BOC: variants seen among roughly 807,000 people sequenced by gnomAD.
The protein encoded by BOC is BOC cell adhesion associated, oncogene regulated.
BOC carries 76 observed loss-of-function variants against 112.0 expected under a neutral mutation model. The ratio of observed to expected loss-of-function variants is 0.68; its 90% confidence interval spans 0.56 to 0.82. BOC has a LOEUF of 0.82. BOC is among the 40% of genes least tolerant of loss of function. The probability of loss-of-function intolerance (pLI) is 0.00; values close to 1 mark genes in which losing one functional copy is unlikely to be tolerated. For synonymous variants in BOC, 580 were observed against 599.8 expected (o/e 0.97, Z 0.48); for missense variants, 1,309 against 1,511.7 (o/e 0.87, Z 2.22).
At position 113,278,296 on chromosome 3, in the gene BOC, G is replaced by A. The variant is rs1317450784; in HGVS notation, c.1705+39G>A. The stretch of plus-strand genomic sequence containing the variant: ...ATTGCCCCTTGCTTAGGGTTTCCGT[G>A]GGTCTAAGCAAGTTCCACTGGCCCA... On this transcript the variant is annotated intron_variant, in intron 10 of 19. Transcript: ENST00000682979. This position sits in a 1 kb window ranked among gnomAD's most constrained non-coding sequence, Gnocchi z 4.2. 3.7e-6 allele frequency: 6 copies of A among 1,606,046 alleles called. No individual in the cohort carries two copies. The highest frequency in any genetic ancestry group is 1.3e-5 in the African/African-American group (1 of 74,806).
intron 4 of BOC, among the ~76,000 whole-genome samples, chr3:113,258,499 G>C (rs2107505746): frequency 6.6e-6 from 1 of 152,318 alleles, no homozygotes; most frequent in Admixed American, 6.5e-5. Flanking sequence ...CCCCCGTCTG[G>C]TTCAGTTAGC....
At chr3:113,270,972 A>AT in intron 6 of BOC, 28 bp downstream of exon 6, 3 of 1,613,596 alleles carry the variant, frequency 1.9e-6, no homozygotes, top group Non-Finnish European at 2.5e-6. Flanking sequence ...CTGCTGGGGG[A>AT]TGGGGGATCA....
At chr3:113,212,711 A>T (rs1251889598) in intron 1 of BOC, 3 of 152,324 alleles carry the variant, frequency 2.0e-5, no homozygotes, top group African/African-American at 4.8e-5. Context: ...TGTGTGTGAG[A>T]GAGAGAGTTC....
At position 113,222,065 on chromosome 3, in the gene BOC, C is replaced by T. The variant is rs577568940; in HGVS notation, c.-82+5791C>T. On this transcript the variant is annotated intron_variant, in intron 2 of 19. Transcript: ENST00000682979. ...GCTTTCATGGTCACCTAAACCTGAC[C>T]GCACTTTATTAAACAGCACTCCCAC... 5.9e-5 allele frequency among the ~76,000 whole-genome samples: 9 copies of T among 152,304 alleles called. No individual in the cohort carries two copies. The South Asian group carries it at 1.5e-3, about 25-fold the overall frequency.
At chr3:113,251,122 G>A (rs809592) in intron 4 of BOC, 2 of 586,490 alleles carry the variant, frequency 3.4e-6, no homozygotes, top group Non-Finnish European at 6.0e-6. Context: ...TGTTCCGTGG[G>A]CCCCAGAGCA....
rs1481572156 is a variant in BOC, at chr3:113,212,034, A to G, written c.-170+18A>G. On this transcript the variant is annotated intron_variant, in intron 1 of 19. Coordinates refer to ENST00000682979, the MANE Select transcript of BOC (RefSeq NM_001378074.1). The stretch of plus-strand genomic sequence containing the variant: ...CAGCAGAGGTGAGTCACGTCGCTGA[A>G]GTTTGTTTTCTTTTCATAAAAAGTT... The G allele has an allele frequency of 1.3e-5, 2 of 152,030 alleles. No individual in the cohort carries two copies. The highest frequency in any genetic ancestry group is 6.5e-5 in the Admixed American group (1 of 15,278). 9.4% of individuals were successfully genotyped at this position (152,030 alleles called of 1,614,324 possible). A position where few individuals can be genotyped will look rare whatever the true frequency, so the allele number is the denominator to read the frequency against.
intron 2 of BOC, among the ~76,000 whole-genome samples, chr3:113,222,359 G>A (rs373446007): frequency 6.6e-6 from 1 of 152,252 alleles, no homozygotes; most frequent in African/African-American, 2.4e-5. Flanking sequence ...CAAACAAAAT[G>A]AAATAATTAC....
In BOC at chr3:113,273,305, G is replaced by C. The variant is rs761303691; in HGVS notation, c.1198G>C (p.Ala400Pro). The change falls in exon 8 of 20, where the codon GCC becomes CCC. Residue 400 changes from alanine to proline, a missense_variant. Physicochemically the swap from Ala to Pro is conservative, Grantham distance 27. Coordinates refer to ENST00000682979, the MANE Select transcript of BOC (RefSeq NM_001378074.1). ...QCMAENEVGSAHAVVQLRTSR... is the reference protein window; with the variant it reads ...QCMAENEVGSPHAVVQLRTSR... ...CATGGCCGAGAACGAGGTTGGGAGC[G>C]CCCATGCCGTAGTCCAGCTGCGGAC... is the stretch of plus-strand genomic sequence containing the variant. 1 of 1,599,148 alleles carries C rather than the reference G, an allele frequency of 6.3e-7. No homozygotes were observed. Among genetic ancestry groups the C allele is most frequent in the Non-Finnish European group, 8.6e-7 (1 of 1,168,430 alleles).
chr3:113,250,035 A>G (rs771951389), intron 3 of BOC, 136 bp downstream of exon 3: 2 of 722,792 alleles, frequency 2.8e-6, no homozygotes, highest in Non-Finnish European at 4.7e-6. Flanking sequence ...CAGGGACACA[A>G]GAACACAAGA....
chr3:113,250,051 C>A, intron 3 of BOC, 152 bp downstream of exon 3: 1 of 690,476 alleles, frequency 1.4e-6, no homozygotes, highest in Non-Finnish European at 2.5e-6. Context: ...CAAGATGAGA[C>A]ATGATCACAA....
rs747641262 is a variant in BOC at position 113,272,562 on chromosome 3, TACA to T, written c.825_827del (p.Asn275del). The T allele has an allele frequency of 9.3e-6, 15 of 1,613,894 alleles. No homozygotes were observed. Among genetic ancestry groups the T allele is most frequent in the East Asian group, 2.2e-5 (1 of 44,866 alleles). The stretch of plus-strand genomic sequence containing the variant: ...CAAGGATGGGTCCAGTGTCACCGGC[TACA>T]ACAAGACGCGCTTCCTGCTGAGCAA... On this transcript the variant is annotated inframe_deletion, in exon 7 of 20. Coordinates refer to ENST00000682979, the MANE Select transcript of BOC (RefSeq NM_001378074.1).
At chr3:113,264,439 G>T (rs1232249340) in intron 4 of BOC, among the ~76,000 whole-genome samples, 1 of 152,188 alleles carries the variant, frequency 6.6e-6, no homozygotes, top group East Asian at 1.9e-4. Flanking sequence ...TGCAGCGGAG[G>T]CCTGCTAACC....
chr3:113,212,710 G>A (rs562172559), intron 1 of BOC: 6 of 152,618 alleles, frequency 3.9e-5, no homozygotes, highest in African/African-American at 1.4e-4. Context: ...GTGTGTGTGA[G>A]AGAGAGAGTT....
intron 2 of BOC, among the ~76,000 whole-genome samples, chr3:113,216,710 A>G (rs1939453472): frequency 6.6e-6 from 1 of 152,212 alleles, no homozygotes; most frequent in South Asian, 2.1e-4. Context: ...CTTCTGAAAT[A>G]AAGTTAGGAA....
At chr3:113,252,857 G>T (rs572286080) in intron 4 of BOC, among the ~76,000 whole-genome samples, 1 of 152,162 alleles carries the variant, frequency 6.6e-6, no homozygotes, top group African/African-American at 2.4e-5. Context: ...GAGGCAGGCC[G>T]TGGGTGGCTA....
At chr3:113,231,090 A>G (rs887586873) in intron 2 of BOC, among the ~76,000 whole-genome samples, 4 of 152,338 alleles carry the variant, frequency 2.6e-5, no homozygotes, top group Admixed American at 2.6e-4. Context: ...AAATGTGATA[A>G]TGGGGCAAGG....
At chr3:113,243,656 C>T (rs537250177) in intron 2 of BOC, among the ~76,000 whole-genome samples, 8 of 152,082 alleles carry the variant, frequency 5.3e-5, no homozygotes, top group Admixed American at 5.2e-4. Flanking sequence ...GGCACACCAC[C>T]CTCCCCACCC....
chr3:113,278,295 T>C lies in BOC; in HGVS notation c.1705+38T>C, dbSNP rs574367429. On this transcript the variant is annotated intron_variant, in intron 10 of 19. Transcript: ENST00000682979. The surrounding 1 kb of genome is among the most constrained non-coding windows in gnomAD (Gnocchi z 4.2). ...CATTGCCCCTTGCTTAGGGTTTCCGTGGGTCTAAGCAAGTTCCACTGGCCC... is the reference window on the plus strand; with the variant it reads ...CATTGCCCCTTGCTTAGGGTTTCCGCGGGTCTAAGCAAGTTCCACTGGCCC... 2.5e-6 allele frequency: 4 copies of C among 1,608,832 alleles called. No homozygotes were observed. In the Middle Eastern group the frequency reaches 5.0e-4, roughly 200 times the overall value.
rs1949118331 is a variant in BOC, at chr3:113,280,778, G to A, written c.2311+115G>A. On this transcript the variant is annotated intron_variant, in intron 14 of 19. Coordinates refer to ENST00000682979, the MANE Select transcript of BOC (RefSeq NM_001378074.1). Reference sequence around the variant, plus strand: ...CATAAACCTGCATCTGGTGTGACACGAAGCTCTAAGCTCCGTGTCATTGAC... The same window carrying A: ...CATAAACCTGCATCTGGTGTGACACAAAGCTCTAAGCTCCGTGTCATTGAC... 1.4e-5 allele frequency: 13 copies of A among 935,716 alleles called. 1 individual carries two copies. The highest frequency in any genetic ancestry group is 1.3e-4 in the East Asian group (5 of 39,586). The allele number at this position is 935,716 out of a possible 1,614,324, so 58.0% of individuals were successfully genotyped here.
Sources: allele counts gnomAD v4.1 joint callset (sites outside exome capture counted in the v4.1 genomes callset), GRCh38; gene constraint gnomAD v4.1.1; non-coding constraint Gnocchi (gnomAD v3.1); transcripts MANE v1.5; gene names NCBI Gene and HGNC (gene_info 2026-07-23, HGNC 2026-07-21).